The following PIK3C2G variants were observed in gnomAD, a reference collection of about 807,000 sequenced individuals.
PIK3C2G encodes the protein phosphatidylinositol 3-kinase C2 domain-containing subunit gamma.
Under a neutral mutation model 181.1 loss-of-function variants are expected in PIK3C2G, and 168 were observed. The observed-to-expected ratio is 0.93, with a 90% CI of 0.82 to 1.05. The LOEUF (loss-of-function observed/expected upper bound fraction) is 1.05, where lower values mean the gene tolerates loss of function less well. Among genes scored for constraint, PIK3C2G ranks in the 50% least tolerant of loss-of-function variants. The pLI, the probability that PIK3C2G is intolerant of heterozygous loss-of-function variation, is 0.00. For missense variants in PIK3C2G, 1,869 were observed against 1,732.8 expected, an observed-to-expected ratio of 1.08 and a Z score of -1.40; for synonymous variants, 573 against 592.2, an observed-to-expected ratio of 0.97 and a Z score of 0.47.
At chr12:18,692,065 C>T in the PIK3C2G span, among the ~76,000 whole-genome samples, 1 of 152,112 alleles carries the variant, frequency 6.6e-6, no homozygotes, top group Non-Finnish European at 1.5e-5. Context: ...CAGGAAAAGT[C>T]GCAGGAGAAG....
chr12:18,409,021 C>A (rs1233456519), intron 16 of PIK3C2G, among the ~76,000 whole-genome samples: 1 of 152,046 alleles, frequency 6.6e-6, no homozygotes, highest in Admixed American at 6.5e-5. Flanking sequence ...CTAGAAATAC[C>A]ATTTGACCCA....
At chr12:18,264,624 T>C (rs111624789) in intron 1 of PIK3C2G, among the ~76,000 whole-genome samples, 342 of 152,276 alleles carry the variant, frequency 2.2e-3, no homozygotes, top group African/African-American at 8.0e-3. Context: ...GATTACTTTC[T>C]TGGTATTGTG....
intron 16 of PIK3C2G, among the ~76,000 whole-genome samples, chr12:18,420,395 A>G (rs1179148421): frequency 1.3e-5 from 2 of 152,126 alleles, no homozygotes; most frequent in Non-Finnish European, 2.9e-5. Context: ...GGCAAATGCC[A>G]TCCAAAAATG....
chr12:18,427,420 T>C (rs1419002498), intron 18 of PIK3C2G, among the ~76,000 whole-genome samples: 3 of 150,014 alleles, frequency 2.0e-5, no homozygotes, highest in South Asian at 4.2e-4. Flanking sequence ...GGCAGGAGAA[T>C]TGCTGGAACC....
rs1386801449 is a variant in PIK3C2G at position 18,362,816 on chromosome 12, T to C, written c.1678T>C (p.Cys560Arg). Reference protein sequence around the residue: ...CWLTYAGKKLCQVRNYRNIPD... With the variant: ...CWLTYAGKKLRQVRNYRNIPD... ...GCTTACATATGCTGGAAAGAAGCTGTGCCAAGTGAGAAACTACAGAAATAT... is the reference window on the plus strand; with the variant it reads ...GCTTACATATGCTGGAAAGAAGCTGCGCCAAGTGAGAAACTACAGAAATAT... Residue 560 changes from cysteine (C) to arginine (R), a missense_variant, in exon 12 of 33, where the codon TGC becomes CGC. Cys to Arg is a radical substitution (Grantham distance 180). Coordinates refer to ENST00000538779, the MANE Select transcript of PIK3C2G (RefSeq NM_001288772.2). The C allele has an allele frequency of 2.0e-6, 3 of 1,523,848 alleles. No homozygotes were observed. In the Admixed American group the frequency reaches 6.1e-5, roughly 31 times the overall value. 94.4% of individuals were successfully genotyped at this position (1,523,848 alleles called of 1,614,324 possible).
At chr12:18,373,571 C>A (rs547908145) in intron 13 of PIK3C2G, among the ~76,000 whole-genome samples, 1 of 152,044 alleles carries the variant, frequency 6.6e-6, no homozygotes, top group African/African-American at 2.4e-5. Context: ...AAGTCTTGGC[C>A]GGGCACGGTG....
the PIK3C2G span, among the ~76,000 whole-genome samples, chr12:18,690,861 G>C: frequency 6.6e-6 from 1 of 152,134 alleles, no homozygotes; most frequent in African/African-American, 2.4e-5. Context: ...AGGATGAAAG[G>C]CTAGAAGTGG....
chr12:18,481,887 TC>T (rs1676440094), intron 18 of PIK3C2G, among the ~76,000 whole-genome samples: 1 of 152,164 alleles, frequency 6.6e-6, no homozygotes, highest in Non-Finnish European at 1.5e-5. Context: ...TCAGGACACT[TC>T]CTGAAGCTGC....
upstream of PIK3C2G, among the ~76,000 whole-genome samples, chr12:18,257,778 AAGAAAGAAAG>A (rs1336841515): frequency 2.0e-5 from 3 of 151,456 alleles, no homozygotes; most frequent in Non-Finnish European, 4.4e-5. Flanking sequence ...GAAGAAGAAA[AAGAAAGAAAG>A]AGAAAGAAAG....
the PIK3C2G span, among the ~76,000 whole-genome samples, chr12:18,699,400 G>C: frequency 6.6e-6 from 1 of 152,150 alleles, no homozygotes; most frequent in Non-Finnish European, 1.5e-5. Context: ...AAATAGAGTG[G>C]ATCATGCCAC....
At chr12:18,588,089 A>G (rs764002983) in intron 29 of PIK3C2G, among the ~76,000 whole-genome samples, 4 of 152,072 alleles carry the variant, frequency 2.6e-5, no homozygotes, top group Non-Finnish European at 5.9e-5. Context: ...TATGCCATAT[A>G]CAAAATCCAC....
At chr12:18,496,247 C>T in intron 21 of PIK3C2G, 93 bp downstream of exon 21, 1 of 742,520 alleles carries the variant, frequency 1.3e-6, no homozygotes, top group South Asian at 1.8e-5. Context: ...TATTTTCCTC[C>T]AGCAACAACA....
At chr12:18,499,010 A>C (rs1389515212) in intron 22 of PIK3C2G, among the ~76,000 whole-genome samples, 1 of 152,190 alleles carries the variant, frequency 6.6e-6, no homozygotes, top group Non-Finnish European at 1.5e-5. Flanking sequence ...ATGTTACATG[A>C]ATCACCTTTT....
At chr12:18,543,874 G>A (rs1044686873) in intron 25 of PIK3C2G, among the ~76,000 whole-genome samples, 2 of 151,842 alleles carry the variant, frequency 1.3e-5, no homozygotes, top group African/African-American at 4.8e-5. Flanking sequence ...GTGCCGTGCT[G>A]TGCAATGTAC....
At chr12:18,675,836 G>A in the PIK3C2G span, among the ~76,000 whole-genome samples, 1 of 151,768 alleles carries the variant, frequency 6.6e-6, no homozygotes, top group Non-Finnish European at 1.5e-5. Flanking sequence ...TGAACAGATA[G>A]GTAAATAATA....
chr12:18,525,640 G>A (rs1943182571), intron 24 of PIK3C2G, among the ~76,000 whole-genome samples: 1 of 152,060 alleles, frequency 6.6e-6, no homozygotes, highest in Non-Finnish European at 1.5e-5. Flanking sequence ...TGTATTTAAT[G>A]ACATCACATT....
At chr12:18,283,309 AG>A (rs1949304504) in intron 2 of PIK3C2G, among the ~76,000 whole-genome samples, 1 of 152,098 alleles carries the variant, frequency 6.6e-6, no homozygotes, top group Non-Finnish European at 1.5e-5. Flanking sequence ...TTTTATTACT[AG>A]CTTTCCAATC....
At position 18,526,890 on chromosome 12, in the gene PIK3C2G, A is replaced by G. The variant is rs115558687; in HGVS notation, c.3324-11266A>G. ...CCTCATCGTTCTACTGTTTTATTGC[A>G]TGATTTCTTTTGAATAGCTCCCTTA... is the stretch of plus-strand genomic sequence containing the variant. On this transcript the variant is annotated intron_variant, in intron 24 of 32. Coordinates refer to ENST00000538779, the MANE Select transcript of PIK3C2G (RefSeq NM_001288772.2). Among the ~76,000 whole-genome samples, 1,131 of 152,230 alleles carry G rather than the reference A, an allele frequency of 7.4e-3. 11 individuals are homozygous for G. The highest frequency in any genetic ancestry group is 0.026 in the African/African-American group (1,072 of 41,540).
At chr12:18,276,651 T>C (rs978254241) in intron 1 of PIK3C2G, among the ~76,000 whole-genome samples, 18 of 152,156 alleles carry the variant, frequency 1.2e-4, no homozygotes, top group Non-Finnish European at 2.1e-4. Context: ...GTTATTCCTA[T>C]ATTGTACTGT....
Sources: gnomAD v4.1 joint callset for allele counts (sites outside exome capture counted in the v4.1 genomes callset) on GRCh38, gnomAD v4.1.1 for gene constraint, MANE v1.5 for transcripts, NCBI Gene and HGNC (gene_info 2026-07-23, HGNC 2026-07-21) for gene names.